REDIC1: variants seen among roughly 807,000 people sequenced by gnomAD.
REDIC1 encodes the protein HEI10 Interacting Protein 1.
At chr12:39,808,807 T>C in the REDIC1 span, among the ~76,000 whole-genome samples, 1 of 152,190 alleles carries the variant, frequency 6.6e-6, no homozygotes, top group South Asian at 2.1e-4. Flanking sequence ...GAATTCTTTA[T>C]TCATAATTCC....
At chr12:39,871,753 T>C in the REDIC1 span, 1 of 1,531,310 alleles carries the variant, frequency 6.5e-7, no homozygotes, top group Non-Finnish European at 8.8e-7. Context: ...CTTGAAGTTA[T>C]TAGGAAATAA....
chr12:39,879,220 C>T, the REDIC1 span, among the ~76,000 whole-genome samples: 5 of 152,238 alleles, frequency 3.3e-5, no homozygotes, highest in Non-Finnish European at 7.3e-5. Flanking sequence ...GCAGAGCCCT[C>T]ACAGAGAACC....
the REDIC1 span, among the ~76,000 whole-genome samples, chr12:39,669,549 G>A: frequency 6.0e-3 from 912 of 152,292 alleles, 4 homozygotes; most frequent in East Asian, 0.023. Flanking sequence ...CTCCAGCTGC[G>A]TGCTGGGAGA....
chr12:39,858,447 AG>A, the REDIC1 span, among the ~76,000 whole-genome samples: 146 of 152,186 alleles, frequency 9.6e-4, no homozygotes, highest in Non-Finnish European at 1.7e-3. Context: ...GAAATTAGTA[AG>A]AAAAAAAAAT....
the REDIC1 span, among the ~76,000 whole-genome samples, chr12:39,711,626 CGTATGT>C: frequency 1.9e-5 from 1 of 52,088 alleles, no homozygotes; most frequent in East Asian, 5.6e-4. Flanking sequence ...TGTGTATACA[CGTATGT>C]GTATATGTGT....
At chr12:39,696,831 C>G in the REDIC1 span, among the ~76,000 whole-genome samples, 1 of 151,782 alleles carries the variant, frequency 6.6e-6, no homozygotes, top group Admixed American at 6.6e-5. Context: ...TCAAGCAGCA[C>G]AAAGAATTAG....
At chr12:39,714,196 T>TGC in the REDIC1 span, among the ~76,000 whole-genome samples, 2 of 141,052 alleles carry the variant, frequency 1.4e-5, no homozygotes, top group East Asian at 4.1e-4. Flanking sequence ...TATATGTATA[T>TGC]ATGTATATAC....
the REDIC1 span, among the ~76,000 whole-genome samples, chr12:39,871,249 T>C: frequency 1.3e-5 from 2 of 152,212 alleles, no homozygotes; most frequent in Non-Finnish European, 1.5e-5. Context: ...TGCTTTATTT[T>C]GCTATCATAG....
At chr12:39,841,058 C>A in the REDIC1 span, among the ~76,000 whole-genome samples, 1 of 152,062 alleles carries the variant, frequency 6.6e-6, no homozygotes, top group Non-Finnish European at 1.5e-5. Flanking sequence ...ACATGACCAT[C>A]TGGAACTCTG....
chr12:39,712,447 T>C, the REDIC1 span, among the ~76,000 whole-genome samples: 1 of 46,808 alleles, frequency 2.1e-5, no homozygotes, highest in Non-Finnish European at 6.8e-5. Flanking sequence ...CGTATATGTA[T>C]ACATACGTAT....
the REDIC1 span, among the ~76,000 whole-genome samples, chr12:39,682,187 A>T: frequency 6.6e-6 from 1 of 152,124 alleles, no homozygotes; most frequent in Admixed American, 6.5e-5. Flanking sequence ...TAATGGTCTC[A>T]TAACTATTTG....
chr12:39,865,559 C>T, the REDIC1 span, among the ~76,000 whole-genome samples: 4 of 151,926 alleles, frequency 2.6e-5, no homozygotes, highest in East Asian at 1.9e-4. Context: ...TTTTTGTGTC[C>T]CTTATAGACA....
At chr12:39,696,988 G>T in the REDIC1 span, among the ~76,000 whole-genome samples, 1 of 152,060 alleles carries the variant, frequency 6.6e-6, no homozygotes, top group Non-Finnish European at 1.5e-5. Flanking sequence ...CCTCCCAAGA[G>T]AAACATATCA....
At chr12:39,862,465 A>G in the REDIC1 span, among the ~76,000 whole-genome samples, 1 of 152,242 alleles carries the variant, frequency 6.6e-6, no homozygotes, top group Non-Finnish European at 1.5e-5. Flanking sequence ...AGGCAGAACC[A>G]TATCACTTTC....
chr12:39,904,485 T>C, the REDIC1 span, among the ~76,000 whole-genome samples: 1 of 152,160 alleles, frequency 6.6e-6, no homozygotes, highest in Non-Finnish European at 1.5e-5. Context: ...GTTTTCTGCA[T>C]ATTGCCTTTC....
the REDIC1 span, among the ~76,000 whole-genome samples, chr12:39,661,803 T>G: frequency 6.6e-6 from 1 of 152,120 alleles, no homozygotes; most frequent in Non-Finnish European, 1.5e-5. Context: ...ATTTAAGTCT[T>G]TAATATTTTG....
the REDIC1 span, among the ~76,000 whole-genome samples, chr12:39,660,911 C>T: frequency 6.6e-6 from 1 of 152,100 alleles, no homozygotes; most frequent in South Asian, 2.1e-4. Context: ...TGAGTGAGTA[C>T]ATGTGCTATT....
At chr12:39,894,106 G>T in the REDIC1 span, among the ~76,000 whole-genome samples, 1 of 152,136 alleles carries the variant, frequency 6.6e-6, no homozygotes, top group African/African-American at 2.4e-5. Context: ...TAGTAAACAT[G>T]GCCATACCAG....
chr12:39,797,499 T>G, the REDIC1 span, among the ~76,000 whole-genome samples: 1 of 152,190 alleles, frequency 6.6e-6, no homozygotes, highest in East Asian at 1.9e-4. Flanking sequence ...TGACACAAAA[T>G]GAGGAGCTAA....
Sources: allele counts gnomAD v4.1 joint callset (sites outside exome capture counted in the v4.1 genomes callset), GRCh38; gene constraint gnomAD v4.1.1; transcripts MANE v1.5; gene names NCBI Gene and HGNC (gene_info 2026-07-23, HGNC 2026-07-21).